FRMD6: variants seen among roughly 807,000 people sequenced by gnomAD.
The protein encoded by FRMD6 is FERM domain containing 6.
Under a neutral mutation model 73.2 loss-of-function variants are expected in FRMD6, and 37 were observed. That is an observed-to-expected ratio of 0.51 (90% CI 0.39 to 0.66). FRMD6 has a LOEUF of 0.66. FRMD6 is among the 30% of genes least tolerant of loss of function. The pLI, the probability that FRMD6 is intolerant of heterozygous loss-of-function variation, is 0.00. For missense variants in FRMD6, 714 were observed against 780.5 expected (o/e 0.91, Z 1.02); for synonymous variants, 273 against 282.2 (o/e 0.97, Z 0.33).
intron 1 of FRMD6, among the ~76,000 whole-genome samples, chr14:51,560,355 G>A (rs1328859105): frequency 6.6e-6 from 1 of 152,198 alleles, no homozygotes; most frequent in Non-Finnish European, 1.5e-5. Flanking sequence ...GAATGGAGTA[G>A]TAATAGTAAT....
intron 1 of FRMD6, among the ~76,000 whole-genome samples, chr14:51,525,971 C>T (rs2140312823): frequency 6.6e-6 from 1 of 152,244 alleles, no homozygotes; most frequent in East Asian, 1.9e-4. Context: ...AGAGTCCTGG[C>T]AGGGCACAGG....
At chr14:51,446,289 C>A in the FRMD6 span, among the ~76,000 whole-genome samples, 1 of 152,126 alleles carries the variant, frequency 6.6e-6, no homozygotes, top group East Asian at 1.9e-4. Context: ...TCTGGCTTCT[C>A]CTTTTCATCT....
chr14:51,643,229 G>GC (rs1225528217), intron 2 of FRMD6, among the ~76,000 whole-genome samples: 1 of 128,448 alleles, frequency 7.8e-6, no homozygotes, highest in African/African-American at 2.7e-5. Context: ...TCAGTGACCA[G>GC]CAAGAGTAAG....
chr14:51,438,089 G>A, the FRMD6 span, among the ~76,000 whole-genome samples: 1 of 152,172 alleles, frequency 6.6e-6, no homozygotes, highest in African/African-American at 2.4e-5. Flanking sequence ...AAAAAATGGA[G>A]TTATAGAAGG....
chr14:51,430,422 C>T, the FRMD6 span, among the ~76,000 whole-genome samples: 2 of 152,166 alleles, frequency 1.3e-5, no homozygotes, highest in Non-Finnish European at 2.9e-5. Flanking sequence ...ATCTAACCCA[C>T]TGCTGTTAAC....
At chr14:51,504,063 G>T (rs956856205) in intron 1 of FRMD6, among the ~76,000 whole-genome samples, 35 of 152,188 alleles carry the variant, frequency 2.3e-4, no homozygotes, top group Non-Finnish European at 4.6e-4. Context: ...ATTTCCGGGG[G>T]TCAGTGGTGA....
At chr14:51,441,151 G>T in the FRMD6 span, among the ~76,000 whole-genome samples, 2 of 152,352 alleles carry the variant, frequency 1.3e-5, no homozygotes, top group East Asian at 3.9e-4. Context: ...CTCCACTGGT[G>T]CTCCTTCTGC....
intron 1 of FRMD6, among the ~76,000 whole-genome samples, chr14:51,557,723 T>C (rs1020732671): frequency 3.9e-5 from 6 of 152,166 alleles, no homozygotes; most frequent in African/African-American, 2.4e-5. Context: ...ATTAGTTTGA[T>C]TTAGCCATTC....
At chr14:51,657,543 G>A (rs1169972242) in intron 1 of FRMD6, among the ~76,000 whole-genome samples, 1 of 152,100 alleles carries the variant, frequency 6.6e-6, no homozygotes, top group Non-Finnish European at 1.5e-5. Flanking sequence ...GTCGCAATAG[G>A]TCTTTTTTCT....
chr14:51,521,576 A>T (rs1884955741), intron 1 of FRMD6, among the ~76,000 whole-genome samples: 1 of 151,928 alleles, frequency 6.6e-6, no homozygotes, highest in African/African-American at 2.4e-5. Context: ...AAAAAAAAAG[A>T]CTGGTGTCAT....
the FRMD6 span, among the ~76,000 whole-genome samples, chr14:51,483,761 C>G: frequency 1.3e-5 from 2 of 152,272 alleles, no homozygotes; most frequent in South Asian, 4.1e-4. Flanking sequence ...ATTGCTCAAA[C>G]TATTTAAAGT....
intron 1 of FRMD6, among the ~76,000 whole-genome samples, chr14:51,524,479 A>G (rs1199831325): frequency 6.6e-6 from 1 of 150,912 alleles, no homozygotes; most frequent in Non-Finnish European, 1.5e-5. Flanking sequence ...ATTCTGTACT[A>G]TTCTCTACCA....
the FRMD6 span, among the ~76,000 whole-genome samples, chr14:51,464,311 G>T: frequency 6.6e-6 from 1 of 152,120 alleles, no homozygotes; most frequent in Non-Finnish European, 1.5e-5. Flanking sequence ...GGGATGATCT[G>T]TGCAGCAAAC....
chr14:51,571,105 G>A (rs1888112529), intron 2 of FRMD6, among the ~76,000 whole-genome samples: 2 of 152,244 alleles, frequency 1.3e-5, no homozygotes, highest in Non-Finnish European at 2.9e-5. Context: ...GCTGGGCATG[G>A]TGGCTCATGA....
chr14:51,690,648 C>G (rs1378970105), intron 2 of FRMD6, among the ~76,000 whole-genome samples: 1 of 152,192 alleles, frequency 6.6e-6, no homozygotes, highest in East Asian at 1.9e-4. Context: ...TCCCATAGTG[C>G]TGGGATTACA....
the FRMD6 span, among the ~76,000 whole-genome samples, chr14:51,433,934 TA>T: frequency 3.3e-5 from 5 of 152,224 alleles, no homozygotes; most frequent in African/African-American, 1.2e-4. Flanking sequence ...GCAAGTATTA[TA>T]AAACGAACTG....
At chr14:51,505,620 C>T (rs1270536322) in intron 1 of FRMD6, among the ~76,000 whole-genome samples, 3 of 152,136 alleles carry the variant, frequency 2.0e-5, no homozygotes. Context: ...GTCCAAAATC[C>T]ATATTTATAA....
intron 2 of FRMD6, among the ~76,000 whole-genome samples, chr14:51,694,217 T>G (rs1895794530): frequency 6.6e-6 from 1 of 152,184 alleles, no homozygotes; most frequent in Non-Finnish European, 1.5e-5. Context: ...TTGGACAATT[T>G]TGGAAGTAAA....
chr14:51,712,834 G>A (rs1897019577), intron 9 of FRMD6, among the ~76,000 whole-genome samples: 1 of 152,204 alleles, frequency 6.6e-6, no homozygotes, highest in South Asian at 2.1e-4. Context: ...TTGGTCCGTA[G>A]CACATGACCC....
Sources: gnomAD v4.1 joint callset for allele counts (sites outside exome capture counted in the v4.1 genomes callset) on GRCh38, gnomAD v4.1.1 for gene constraint, MANE v1.5 for transcripts, NCBI Gene and HGNC (gene_info 2026-07-23, HGNC 2026-07-21) for gene names.